The following RIMS2 variants were observed in gnomAD, a reference collection of about 807,000 sequenced individuals.
The protein encoded by RIMS2 is regulating synaptic membrane exocytosis protein 2.
In RIMS2, 59 loss-of-function variants were observed where a neutral mutation model predicts 174.4. The observed-to-expected ratio is 0.34, with a 90% CI of 0.27 to 0.42. The LOEUF is 0.42. Ranked by LOEUF, RIMS2 falls within the 10% of genes least tolerant of loss-of-function variation. RIMS2 has a pLI of 1.00. For synonymous variants in RIMS2, 606 were observed against 572.5 expected (o/e 1.06, Z -0.84); for missense variants, 1,620 against 1,666.3 (o/e 0.97, Z 0.48).
At chr8:103,744,806 C>A (rs1473056015) in intron 2 of RIMS2, among the ~76,000 whole-genome samples, 1 of 152,112 alleles carries the variant, frequency 6.6e-6, no homozygotes, top group Non-Finnish European at 1.5e-5. Context: ...AAGATTTGCC[C>A]CTAGAAATAA....
intron 3 of RIMS2, among the ~76,000 whole-genome samples, chr8:103,785,026 A>C (rs1261151162): frequency 7.1e-6 from 1 of 140,766 alleles, no homozygotes; most frequent in Non-Finnish European, 1.5e-5. Flanking sequence ...ATTCTCTTTG[A>C]AGCAATTGTG....
chr8:103,510,164 A>C (rs192858999), intron 1 of RIMS2, among the ~76,000 whole-genome samples: 116 of 152,250 alleles, frequency 7.6e-4, no homozygotes, highest in African/African-American at 2.5e-3. Flanking sequence ...CTGGGAGGCT[A>C]AAACTAGGGG....
chr8:103,540,847 G>T (rs1029020280), intron 1 of RIMS2, among the ~76,000 whole-genome samples: 2 of 152,042 alleles, frequency 1.3e-5, no homozygotes, highest in African/African-American at 4.8e-5. Context: ...AGAAAATCTG[G>T]AGGAGAAAAA....
At chr8:103,794,890 A>G (rs1031823251) in intron 3 of RIMS2, among the ~76,000 whole-genome samples, 3 of 152,210 alleles carry the variant, frequency 2.0e-5, no homozygotes, top group African/African-American at 4.8e-5. Context: ...ATGAAATACC[A>G]TCTCACACCA....
intron 1 of RIMS2, among the ~76,000 whole-genome samples, chr8:103,553,166 A>G (rs1453393629): frequency 1.3e-5 from 2 of 152,078 alleles, no homozygotes; most frequent in Non-Finnish European, 2.9e-5. Flanking sequence ...TTGTGGCACT[A>G]TTTACAATAG....
chr8:104,077,447 T>A (rs1369992156), intron 19 of RIMS2, among the ~76,000 whole-genome samples: 1 of 151,700 alleles, frequency 6.6e-6, no homozygotes, highest in Non-Finnish European at 1.5e-5. Flanking sequence ...ATGATACTTT[T>A]AAAAGCCTAA....
At chr8:103,597,984 T>C (rs2094543630) in intron 1 of RIMS2, among the ~76,000 whole-genome samples, 1 of 152,190 alleles carries the variant, frequency 6.6e-6, no homozygotes, top group Admixed American at 6.6e-5. Context: ...GTATATATTA[T>C]ATGTAAATGT....
Position 103,985,698 on chromosome 8 carries a change from A to G in RIMS2, c.2928-3607A>G, listed in dbSNP as rs566710010. On this transcript the variant is annotated intron_variant, in intron 16 of 23. Transcript: ENST00000504942. ...TCCCATGATCATTGCAACGTTAGCCACAACAGAATTGATATGGAATGAAAC... is the reference window on the plus strand; with the variant it reads ...TCCCATGATCATTGCAACGTTAGCCGCAACAGAATTGATATGGAATGAAAC... Among the ~76,000 whole-genome samples, 423 of 152,240 alleles carry G rather than the reference A, an allele frequency of 2.8e-3. 2 individuals carry two copies. Among genetic ancestry groups the G allele is most frequent in the Non-Finnish European group, 4.6e-3 (311 of 68,012 alleles).
intron 1 of RIMS2, among the ~76,000 whole-genome samples, chr8:103,609,067 A>G (rs916219116): frequency 6.6e-6 from 1 of 152,080 alleles, no homozygotes; most frequent in Non-Finnish European, 1.5e-5. Flanking sequence ...GTGAGATGGT[A>G]TCTCATTTTG....
Position 104,036,413 on chromosome 8 carries a change from A to C in RIMS2, c.3334+21798A>C, listed in dbSNP as rs749371632. Among the ~76,000 whole-genome samples, 16 of 151,808 alleles carry C rather than the reference A, an allele frequency of 1.1e-4. No individual in the cohort carries two copies. In the East Asian group the frequency reaches 3.2e-3, roughly 30 times the overall value. ...TGATCCGCCTGCCTCGGCCTCCCAAAGTGCTGGGATTACAGGCATGAGCCA... is the reference window on the plus strand; with the variant it reads ...TGATCCGCCTGCCTCGGCCTCCCAACGTGCTGGGATTACAGGCATGAGCCA... On this transcript the variant is annotated intron_variant, in intron 19 of 23. Transcript: ENST00000504942.
intron 3 of RIMS2, among the ~76,000 whole-genome samples, chr8:103,770,185 G>C (rs1592019183): frequency 6.6e-6 from 1 of 152,108 alleles, no homozygotes; most frequent in Non-Finnish European, 1.5e-5. Flanking sequence ...AGTTCTTTTG[G>C]AACACAGCCA....
chr8:104,221,908 C>T (rs573148409), intron 19 of RIMS2, among the ~76,000 whole-genome samples: 6 of 152,314 alleles, frequency 3.9e-5, no homozygotes, highest in African/African-American at 1.4e-4. Flanking sequence ...GTCCTTCACT[C>T]CTTCCCACTC....
At chr8:104,071,221 T>A (rs2097190173) in intron 19 of RIMS2, among the ~76,000 whole-genome samples, 1 of 152,232 alleles carries the variant, frequency 6.6e-6, no homozygotes, top group Admixed American at 6.5e-5. Context: ...TGCTTAAGGC[T>A]TCAAAGTTTT....
intron 19 of RIMS2, among the ~76,000 whole-genome samples, chr8:104,018,004 G>C (rs570792838): frequency 6.6e-6 from 1 of 152,328 alleles, no homozygotes; most frequent in East Asian, 1.9e-4. Flanking sequence ...GAGCCCAGGA[G>C]ACGCAGGTTG....
At chr8:103,503,610 A>G (rs1257314266) in intron 1 of RIMS2, among the ~76,000 whole-genome samples, 1 of 152,020 alleles carries the variant, frequency 6.6e-6, no homozygotes, top group Non-Finnish European at 1.5e-5. Context: ...ATTTAAATGC[A>G]TGTCTGCTGC....
intron 1 of RIMS2, among the ~76,000 whole-genome samples, chr8:103,665,007 T>A (rs968788143): frequency 1.3e-5 from 2 of 152,228 alleles, no homozygotes; most frequent in Non-Finnish European, 1.5e-5. Context: ...ACCATCATTC[T>A]AAGCAAACTA....
At chr8:103,600,432 G>A (rs959532505) in intron 1 of RIMS2, among the ~76,000 whole-genome samples, 8 of 152,068 alleles carry the variant, frequency 5.3e-5, no homozygotes, top group African/African-American at 1.9e-4. Flanking sequence ...ACCATGCCTC[G>A]CTAATTTTTT....
intron 1 of RIMS2, among the ~76,000 whole-genome samples, chr8:103,623,747 C>A (rs1312249784): frequency 2.0e-5 from 3 of 151,806 alleles, no homozygotes; most frequent in African/African-American, 7.3e-5. Context: ...CTTCGGCCTC[C>A]CAAAGTGCTG....
intron 19 of RIMS2, among the ~76,000 whole-genome samples, chr8:104,149,398 G>A (rs1315717454): frequency 1.3e-5 from 2 of 152,106 alleles, no homozygotes; most frequent in Non-Finnish European, 2.9e-5. Flanking sequence ...CCAGCAGCAG[G>A]GATGGAGGAA....
Sources: allele counts gnomAD v4.1 joint callset (sites outside exome capture counted in the v4.1 genomes callset), GRCh38; gene constraint gnomAD v4.1.1; transcripts MANE v1.5; gene names NCBI Gene and HGNC (gene_info 2026-07-23, HGNC 2026-07-21).